NCALD: variants seen among roughly 807,000 people sequenced by gnomAD.
NCALD encodes neurocalcin-delta.
NCALD carries 10 observed loss-of-function variants against 18.6 expected under a neutral mutation model. That is an observed-to-expected ratio of 0.54 (90% CI 0.33 to 0.91). The LOEUF (loss-of-function observed/expected upper bound fraction) is 0.91. Ranked by LOEUF, NCALD falls within the 40% of genes least tolerant of loss-of-function variation. NCALD has a pLI of 0.03. For missense variants in NCALD, 184 were observed against 247.6 expected, an observed-to-expected ratio of 0.74 and a Z score of 1.72; for synonymous variants, 88 against 87.4, an observed-to-expected ratio of 1.01 and a Z score of -0.04.
At position 101,911,579 on chromosome 8, in the gene NCALD, A is replaced by T. The variant is rs183803336; in HGVS notation, c.-107+4230T>A. ...CGCCATGTTGGCCAGGCTGGTCTCG[A>T]ACTCCTGACCACAAGTGATCTGCCA... is the stretch of plus-strand genomic sequence containing the variant. On this transcript the variant is annotated intron_variant, in intron 3 of 6. Transcript: ENST00000311028. 4.2e-3 allele frequency among the ~76,000 whole-genome samples: 643 copies of T among 151,954 alleles called. 23 individuals are homozygous for T. The highest frequency in any genetic ancestry group is 0.035 in the Admixed American group (530 of 15,256).
chr8:102,113,619 CTA>C (rs1489171761), intron 1 of NCALD, among the ~76,000 whole-genome samples: 1 of 152,192 alleles, frequency 6.6e-6, no homozygotes, highest in Non-Finnish European at 1.5e-5. Flanking sequence ...AGTAGAATAA[CTA>C]TGTTTCTTTA....
chr8:101,907,348 C>A (rs1341996495), intron 3 of NCALD, among the ~76,000 whole-genome samples: 1 of 152,088 alleles, frequency 6.6e-6, no homozygotes, highest in Admixed American at 6.5e-5. Context: ...TAGATCCACC[C>A]TATAAGCAGG....
chr8:101,864,110 A>G (rs1815658784), intron 4 of NCALD, among the ~76,000 whole-genome samples: 1 of 152,222 alleles, frequency 6.6e-6, no homozygotes, highest in Non-Finnish European at 1.5e-5. Flanking sequence ...AAGCATTTAC[A>G]TGTCCTGTGT....
At chr8:101,743,624 C>A (rs948680588) in intron 1 of NCALD, among the ~76,000 whole-genome samples, 4 of 152,176 alleles carry the variant, frequency 2.6e-5, no homozygotes, top group Non-Finnish European at 4.4e-5. Flanking sequence ...ATTCCCTGGA[C>A]TACCTCAAAT....
At chr8:101,916,054 G>T (rs1198368149) in intron 2 of NCALD, among the ~76,000 whole-genome samples, 1 of 152,008 alleles carries the variant, frequency 6.6e-6, no homozygotes, top group Non-Finnish European at 1.5e-5. Context: ...TCAGCAAAAT[G>T]GACTCCCTGA....
chr8:101,955,658 T>C (rs1262682377), intron 2 of NCALD, among the ~76,000 whole-genome samples: 1 of 152,198 alleles, frequency 6.6e-6, no homozygotes, highest in Non-Finnish European at 1.5e-5. Context: ...AACAAGATAA[T>C]TCTTAATCTA....
upstream of NCALD, chr8:102,124,509 C>CA (rs1237613913): frequency 1.4e-5 from 2 of 143,344 alleles, 1 homozygote; most frequent in South Asian, 4.7e-4. Context: ...CCCCCCCTCC[C>CA]CCGCTTGCCC....
intron 2 of NCALD, among the ~76,000 whole-genome samples, chr8:101,992,205 G>C (rs574875242): frequency 6.6e-6 from 1 of 152,006 alleles, no homozygotes; most frequent in Non-Finnish European, 1.5e-5. Context: ...TCAAATGTCC[G>C]GTGGGCTTGT....
chr8:101,909,102 T>C (rs1200894591), intron 3 of NCALD, among the ~76,000 whole-genome samples: 1 of 152,226 alleles, frequency 6.6e-6, no homozygotes, highest in African/African-American at 2.4e-5. Flanking sequence ...ATCTGCTTTT[T>C]GTTCCCTGTT....
At chr8:101,857,338 G>A (rs1815359751) in intron 4 of NCALD, among the ~76,000 whole-genome samples, 1 of 152,132 alleles carries the variant, frequency 6.6e-6, no homozygotes, top group Non-Finnish European at 1.5e-5. Flanking sequence ...TTTCCAGCAT[G>A]GCTCCTATCC....
intron 2 of NCALD, among the ~76,000 whole-genome samples, chr8:101,919,911 G>A (rs566007211): frequency 2.6e-4 from 40 of 152,238 alleles, no homozygotes; most frequent in African/African-American, 9.4e-4. Flanking sequence ...CAAAGAAAAG[G>A]GAATGCTTAC....
chr8:101,893,448 G>A (rs1318710085), intron 3 of NCALD, among the ~76,000 whole-genome samples: 4 of 148,180 alleles, frequency 2.7e-5, no homozygotes, highest in Admixed American at 2.0e-4. Context: ...GGAAGAAACT[G>A]CATCAACTAA....
chr8:101,828,464 C>G (rs532403861), intron 4 of NCALD, among the ~76,000 whole-genome samples: 51 of 152,266 alleles, frequency 3.3e-4, no homozygotes, highest in African/African-American at 1.1e-3. Flanking sequence ...AGTTCTCACT[C>G]TCTCACCTAT....
At chr8:101,926,587 A>T (rs982898018) in intron 2 of NCALD, among the ~76,000 whole-genome samples, 1 of 152,220 alleles carries the variant, frequency 6.6e-6, no homozygotes, top group Non-Finnish European at 1.5e-5. Flanking sequence ...CTTAACTTAA[A>T]TAAGTTAAAT....
intron 1 of NCALD, among the ~76,000 whole-genome samples, chr8:101,766,434 C>T (rs964520390): frequency 1.3e-5 from 2 of 152,088 alleles, no homozygotes; most frequent in Admixed American, 1.3e-4. Flanking sequence ...TGGTGTATAT[C>T]CTTCCAGATT....
intron 4 of NCALD, among the ~76,000 whole-genome samples, chr8:101,870,909 C>CAA (rs1554649159): frequency 0.025 from 2,068 of 81,452 alleles, 74 homozygotes; most frequent in Non-Finnish European, 0.039. Context: ...CCCCCCCCCC[C>CAA]AAAAAAAGAG....
intron 4 of NCALD, among the ~76,000 whole-genome samples, chr8:101,816,954 G>A (rs142439207): frequency 7.0e-4 from 107 of 151,998 alleles, no homozygotes; most frequent in Middle Eastern, 3.4e-3. Context: ...CTAAAACTAC[G>A]CTTTAAAAAG....
At chr8:101,874,756 G>A (rs1430290290) in intron 4 of NCALD, among the ~76,000 whole-genome samples, 4 of 152,080 alleles carry the variant, frequency 2.6e-5, no homozygotes, top group Admixed American at 2.6e-4. Context: ...TCAAATTCCT[G>A]GCCTCAAGTG....
intron 4 of NCALD, among the ~76,000 whole-genome samples, chr8:101,868,702 C>T (rs1392239496): frequency 6.6e-6 from 1 of 152,180 alleles, no homozygotes; most frequent in Non-Finnish European, 1.5e-5. Flanking sequence ...ACCAACCAGA[C>T]TGATCACAGG....
Sources: gnomAD v4.1 joint callset for allele counts (sites outside exome capture counted in the v4.1 genomes callset) on GRCh38, gnomAD v4.1.1 for gene constraint, MANE v1.5 for transcripts, NCBI Gene and HGNC (gene_info 2026-07-23, HGNC 2026-07-21) for gene names.